PCSK5: variants seen among roughly 807,000 people sequenced by gnomAD.
The protein encoded by PCSK5 is proprotein convertase subtilisin/kexin type 5.
Under a neutral mutation model 233.2 loss-of-function variants are expected in PCSK5, and 129 were observed. The observed-to-expected ratio is 0.55, with a 90% CI of 0.48 to 0.64. The LOEUF (loss-of-function observed/expected upper bound fraction) is 0.64. Among genes scored for constraint, PCSK5 ranks in the 30% least tolerant of loss-of-function variants. PCSK5 has a pLI of 0.00. For synonymous variants in PCSK5, 825 were observed against 879.2 expected (o/e 0.94, Z 1.09); for missense variants, 2,076 against 2,430.1 (o/e 0.85, Z 3.06).
intron 4 of PCSK5, among the ~76,000 whole-genome samples, chr9:76,025,401 GA>G (rs1554675363): frequency 2.8e-5 from 2 of 70,612 alleles, no homozygotes; most frequent in African/African-American, 1.8e-4. Context: ...AAAAAATGAG[GA>G]GAGAGAGAGA....
intron 20 of PCSK5, among the ~76,000 whole-genome samples, chr9:76,201,624 C>T (rs184479537): frequency 1.3e-5 from 2 of 152,258 alleles, no homozygotes; most frequent in African/African-American, 4.8e-5. Context: ...TTAATGTCCA[C>T]CCAGGAGTAC....
intron 32 of PCSK5, among the ~76,000 whole-genome samples, chr9:76,325,534 G>C (rs543201500): frequency 3.9e-5 from 6 of 152,308 alleles, no homozygotes; most frequent in Admixed American, 1.3e-4. Context: ...ATTTTTCTGA[G>C]AAGGAAACAG....
At chr9:76,077,854 A>G (rs779445000) in intron 7 of PCSK5, among the ~76,000 whole-genome samples, 1 of 152,196 alleles carries the variant, frequency 6.6e-6, no homozygotes, top group African/African-American at 2.4e-5. Context: ...TGTGAACAGC[A>G]CTACAATGAA....
rs149450345 is a variant in PCSK5, at chr9:75,969,378, G to C, written c.298-16754G>C. ...GGCTTACTTTGGAGAGTAGAGAGGA[G>C]GGGGCCAGAACATTGATTGGCCTTA... On this transcript the variant is annotated intron_variant, in intron 2 of 37. Coordinates refer to ENST00000674117, the MANE Select transcript of PCSK5 (RefSeq NM_001372043.1). Among the ~76,000 whole-genome samples, 78 of 152,228 alleles carry C rather than the reference G, an allele frequency of 5.1e-4. 1 individual carries two copies. In the East Asian group the frequency reaches 0.014, roughly 28 times the overall value.
intron 2 of PCSK5, among the ~76,000 whole-genome samples, chr9:75,984,880 C>T (rs961409627): frequency 5.9e-5 from 9 of 152,144 alleles, no homozygotes; most frequent in African/African-American, 2.2e-4. Context: ...CTTGCTGCTC[C>T]ACTTTGACTG....
intron 1 of PCSK5, among the ~76,000 whole-genome samples, chr9:75,921,431 A>G (rs1349190491): frequency 6.6e-6 from 1 of 152,172 alleles, no homozygotes; most frequent in African/African-American, 2.4e-5. Context: ...CTATAAAAAT[A>G]TGTACTATTT....
At chr9:75,949,045 T>G (rs147191621) in intron 2 of PCSK5, among the ~76,000 whole-genome samples, 2 of 150,532 alleles carry the variant, frequency 1.3e-5, no homozygotes, top group Admixed American at 1.3e-4. Context: ...ATGAATATAT[T>G]TTAAGAAAAC....
chr9:76,162,883 A>G (rs545915645), intron 12 of PCSK5, among the ~76,000 whole-genome samples: 4 of 152,286 alleles, frequency 2.6e-5, no homozygotes, highest in African/African-American at 9.6e-5. Context: ...CCTGGCAGCC[A>G]ACGTGGAAAA....
chr9:76,351,102 C>T (rs1447676068), intron 36 of PCSK5, among the ~76,000 whole-genome samples, 174 bp downstream of exon 36: 1 of 152,072 alleles, frequency 6.6e-6, no homozygotes, highest in Non-Finnish European at 1.5e-5. Context: ...AATGGTGCTA[C>T]CCACCTGTAG....
At chr9:76,217,815 C>T (rs548364249) in intron 20 of PCSK5, among the ~76,000 whole-genome samples, 8 of 152,296 alleles carry the variant, frequency 5.3e-5, no homozygotes, top group South Asian at 2.1e-4. Context: ...ATGCAAACCA[C>T]GGGGAAGGAC....
intron 3 of PCSK5, among the ~76,000 whole-genome samples, chr9:76,011,694 T>C (rs1827736443): frequency 6.6e-6 from 1 of 152,210 alleles, no homozygotes; most frequent in Non-Finnish European, 1.5e-5. Flanking sequence ...TTATTTGAAA[T>C]GTGGAAATGT....
rs112474964 is a variant in PCSK5 at position 76,139,520 on chromosome 9, C to T, written c.1312+5308C>T. ...GGTGGTATTATCAGAAAAATTAGTC[C>T]CTTGACTCCAGTCTTGATCCCACTT... On this transcript the variant is annotated intron_variant, in intron 10 of 37. Coordinates refer to ENST00000674117, the MANE Select transcript of PCSK5 (RefSeq NM_001372043.1). Among the ~76,000 whole-genome samples, 265 of 152,004 alleles carry T rather than the reference C, an allele frequency of 1.7e-3. 1 individual carries two copies. The highest frequency in any genetic ancestry group is 6.0e-3 in the African/African-American group (248 of 41,482).
At chr9:76,162,811 T>TGA (rs988190145) in intron 12 of PCSK5, among the ~76,000 whole-genome samples, 2 of 152,170 alleles carry the variant, frequency 1.3e-5, no homozygotes, top group Non-Finnish European at 2.9e-5. Flanking sequence ...CCTACCCCTC[T>TGA]GGGGGTAGGG....
At chr9:76,304,635 T>C (rs1260724392) in intron 28 of PCSK5, among the ~76,000 whole-genome samples, 1 of 57,302 alleles carries the variant, frequency 1.7e-5, no homozygotes, top group African/African-American at 7.2e-5. Flanking sequence ...GAAAGTAGGA[T>C]TCTGAGAGTT....
intron 2 of PCSK5, among the ~76,000 whole-genome samples, chr9:75,969,603 T>C (rs1825733787): frequency 6.6e-6 from 1 of 152,190 alleles, no homozygotes; most frequent in African/African-American, 2.4e-5. Flanking sequence ...CAGTCGGGTC[T>C]AAACTCAAGC....
chr9:76,271,822 C>T (rs970206659), intron 24 of PCSK5, among the ~76,000 whole-genome samples: 2 of 152,188 alleles, frequency 1.3e-5, no homozygotes, highest in African/African-American at 4.8e-5. Flanking sequence ...CTTTCTGGCT[C>T]CTTGTGGCTG....
intron 2 of PCSK5, 35 bp from the exon 3 acceptor site, chr9:75,986,097 G>A (rs1433091255): frequency 1.7e-6 from 2 of 1,195,110 alleles, no homozygotes; most frequent in Non-Finnish European, 2.5e-6. Flanking sequence ...AACCCTGATG[G>A]AACGTGAATA....
chr9:76,299,831 A>G (rs1713693844), intron 27 of PCSK5, among the ~76,000 whole-genome samples: 1 of 152,186 alleles, frequency 6.6e-6, no homozygotes, highest in Non-Finnish European at 1.5e-5. Flanking sequence ...TGGTTTCCTG[A>G]AGCCACTTTT....
intron 33 of PCSK5, among the ~76,000 whole-genome samples, chr9:76,328,596 A>G (rs1829440151): frequency 6.6e-6 from 1 of 152,226 alleles, no homozygotes; most frequent in East Asian, 1.9e-4. Flanking sequence ...AGCCATTTGA[A>G]GGCATACATC....
Sources: gnomAD v4.1 joint callset for allele counts (sites outside exome capture counted in the v4.1 genomes callset) on GRCh38, gnomAD v4.1.1 for gene constraint, MANE v1.5 for transcripts, NCBI Gene and HGNC (gene_info 2026-07-23, HGNC 2026-07-21) for gene names.